The following PLXNC1 variants were observed in gnomAD, a reference collection of about 807,000 sequenced individuals.
The protein encoded by PLXNC1 is plexin C1.
A neutral mutation model predicts 178.2 loss-of-function variants in PLXNC1; 75 were observed. The ratio of observed to expected loss-of-function variants is 0.42; its 90% CI spans 0.35 to 0.51. The LOEUF is 0.51. PLXNC1 is among the 20% of genes least tolerant of loss of function. The pLI is 0.02. For synonymous variants in PLXNC1, 790 were observed against 779.9 expected, an observed-to-expected ratio of 1.01 and a Z score of -0.22; for missense variants, 1,503 against 1,984.4, an observed-to-expected ratio of 0.76 and a Z score of 4.61.
intron 1 of PLXNC1, chr12:94,168,168 A>T (rs1961693808): frequency 6.6e-6 from 1 of 152,218 alleles, no homozygotes; most frequent in South Asian, 2.1e-4. Context: ...TGCAACTTCA[A>T]TGTGCCTTTA....
chr12:94,211,306 T>A (rs1053382700), intron 5 of PLXNC1, among the ~76,000 whole-genome samples: 1 of 152,192 alleles, frequency 6.6e-6, no homozygotes, highest in African/African-American at 2.4e-5. Flanking sequence ...TCAAAGAAGA[T>A]AAGAAGTTCG....
Position 94,263,090 on chromosome 12 carries a change from G to A in PLXNC1, c.3451-1989G>A, listed in dbSNP as rs546294751. ...CTGGCCCCTGGGGGAGGGGAATCAC[G>A]TACGCAGCGGCTGTGGCTCGCCTAA... On this transcript the variant is annotated intron_variant, in intron 20 of 30. Coordinates refer to ENST00000258526, the MANE Select transcript of PLXNC1 (RefSeq NM_005761.3). Among the ~76,000 whole-genome samples, 102 of 152,284 alleles carry A rather than the reference G, an allele frequency of 6.7e-4. 1 individual carries two copies. In the South Asian group the frequency reaches 0.021, roughly 31 times the overall value.
chr12:94,184,331 G>A (rs1297527425), intron 3 of PLXNC1, among the ~76,000 whole-genome samples: 1 of 151,496 alleles, frequency 6.6e-6, no homozygotes, highest in Non-Finnish European at 1.5e-5. Flanking sequence ...TCACCATACT[G>A]GTCAGGCTGG....
chr12:94,204,624 ATT>A (rs1369301963), intron 4 of PLXNC1, among the ~76,000 whole-genome samples: 6 of 152,164 alleles, frequency 3.9e-5, no homozygotes, highest in African/African-American at 1.2e-4. Flanking sequence ...CAGACTTCCT[ATT>A]CTCGTCCATT....
At chr12:94,257,901 T>G (rs1964896262) in intron 17 of PLXNC1, among the ~76,000 whole-genome samples, 1 of 140,202 alleles carries the variant, frequency 7.1e-6, no homozygotes, top group South Asian at 2.2e-4. Context: ...AGAGCGAGAC[T>G]CTGTCTCAAA....
chr12:94,192,179 A>G (rs1262316556), intron 4 of PLXNC1, among the ~76,000 whole-genome samples: 1 of 152,198 alleles, frequency 6.6e-6, no homozygotes, highest in Non-Finnish European at 1.5e-5. Flanking sequence ...TTTATTGAAC[A>G]CCTAGTGAGA....
intron 4 of PLXNC1, among the ~76,000 whole-genome samples, chr12:94,190,209 T>C (rs1204531505): frequency 6.6e-6 from 1 of 152,096 alleles, no homozygotes; most frequent in African/African-American, 2.4e-5. Flanking sequence ...GTTGAAGACA[T>C]GGGGGCTTCT....
chr12:94,189,417 A>G (rs7307864), intron 4 of PLXNC1, among the ~76,000 whole-genome samples: 85,535 of 152,038 alleles, frequency 0.56, 24,713 homozygotes, highest in South Asian at 0.68. Context: ...GGTGACTCAC[A>G]CCTATATTCC....
intron 21 of PLXNC1, among the ~76,000 whole-genome samples, chr12:94,275,249 A>T (rs1247465798): frequency 6.6e-6 from 1 of 152,250 alleles, no homozygotes; most frequent in African/African-American, 2.4e-5. Flanking sequence ...ATCATGAATT[A>T]TCTGAGAACA....
chr12:94,221,936 G>GGGGAGACATAAA (rs1963808123), intron 6 of PLXNC1, among the ~76,000 whole-genome samples: 1 of 152,158 alleles, frequency 6.6e-6, no homozygotes, highest in Non-Finnish European at 1.5e-5. Flanking sequence ...TATGAATTTA[G>GGGGAGACATAAA]GGGAGACATA....
At chr12:94,235,144 A>G (rs1964207362) in intron 9 of PLXNC1, among the ~76,000 whole-genome samples, 1 of 152,128 alleles carries the variant, frequency 6.6e-6, no homozygotes, top group African/African-American at 2.4e-5. Context: ...CCACTTTCAC[A>G]AGACAGGCCA....
intron 15 of PLXNC1, chr12:94,254,409 C>T (rs1252280255): frequency 2.4e-6 from 1 of 412,724 alleles, no homozygotes; most frequent in Non-Finnish European, 4.8e-6. Context: ...TACAAACATT[C>T]AAAAACAATG....
chr12:94,179,766 A>G (rs1237461571), intron 2 of PLXNC1, among the ~76,000 whole-genome samples: 1 of 150,452 alleles, frequency 6.6e-6, no homozygotes, highest in Non-Finnish European at 1.5e-5. Context: ...AAAAAATGAC[A>G]TGGTCCCTGC....
intron 3 of PLXNC1, among the ~76,000 whole-genome samples, chr12:94,182,593 T>C (rs1414790264): frequency 6.6e-6 from 1 of 151,348 alleles, no homozygotes; most frequent in Non-Finnish European, 1.5e-5. Context: ...GGCGTGGTGG[T>C]GCATGCCTGT....
At chr12:94,163,885 A>C (rs1691657038) in intron 1 of PLXNC1, among the ~76,000 whole-genome samples, 1 of 152,216 alleles carries the variant, frequency 6.6e-6, no homozygotes, top group Admixed American at 6.5e-5. Context: ...TAATAAAATC[A>C]CTGTCCGACT....
intron 20 of PLXNC1, among the ~76,000 whole-genome samples, chr12:94,264,200 C>G (rs1965102543): frequency 6.6e-6 from 1 of 152,116 alleles, no homozygotes; most frequent in Non-Finnish European, 1.5e-5. Context: ...TGGGAGGATG[C>G]CGTGGAAACA....
chr12:94,177,151 A>G (rs200382987), intron 2 of PLXNC1, among the ~76,000 whole-genome samples: 1,575 of 48,040 alleles, frequency 0.033, 21 homozygotes, highest in Admixed American at 0.048. Context: ...GTGTGTGTGT[A>G]TATATATATG....
chr12:94,286,087 A>G (rs1266204450), intron 23 of PLXNC1, among the ~76,000 whole-genome samples: 3 of 152,246 alleles, frequency 2.0e-5, no homozygotes, highest in Non-Finnish European at 2.9e-5. Flanking sequence ...CACTGCAGAC[A>G]TCGGCCGTGC....
chr12:94,255,879 G>A (rs541542601), intron 17 of PLXNC1: 16 of 153,692 alleles, frequency 1.0e-4, no homozygotes, highest in African/African-American at 3.6e-4. Flanking sequence ...GTAGATGCAC[G>A]AACTGATTAA....
Sources: allele counts gnomAD v4.1 joint callset (sites outside exome capture counted in the v4.1 genomes callset), GRCh38; gene constraint gnomAD v4.1.1; transcripts MANE v1.5; gene names NCBI Gene and HGNC (gene_info 2026-07-23, HGNC 2026-07-21).